CCDC60: variants seen among roughly 807,000 people sequenced by gnomAD.
CCDC60 encodes the protein coiled-coil domain-containing protein 60.
Under a neutral mutation model 63.5 loss-of-function variants are expected in CCDC60, and 54 were observed. That is an observed-to-expected ratio of 0.85 (90% CI 0.68 to 1.07). The LOEUF (loss-of-function observed/expected upper bound fraction) is 1.07, where lower values mean the gene tolerates loss of function less well. Among genes scored for constraint, CCDC60 ranks in the 50% least tolerant of loss-of-function variants. The pLI, the probability that CCDC60 is intolerant of heterozygous loss-of-function variation, is 0.00. For synonymous variants in CCDC60, 206 were observed against 238.8 expected (o/e 0.86, Z 1.27); for missense variants, 651 against 684.3 (o/e 0.95, Z 0.54).
intron 2 of CCDC60, chr12:119,433,372 T>C (rs1372177268): frequency 1.2e-4 from 83 of 701,570 alleles, no homozygotes; most frequent in Non-Finnish European, 3.4e-5. Flanking sequence ...AACGTTCTGC[T>C]CGGACACCCT....
At chr12:119,375,339 C>A (rs923316946) in intron 1 of CCDC60, among the ~76,000 whole-genome samples, 1 of 152,094 alleles carries the variant, frequency 6.6e-6, no homozygotes, top group African/African-American at 2.4e-5. Context: ...GTAAATATTC[C>A]CACTGTGGCC....
intron 2 of CCDC60, among the ~76,000 whole-genome samples, chr12:119,442,116 T>C (rs373001633): frequency 6.6e-6 from 1 of 152,330 alleles, no homozygotes; most frequent in East Asian, 1.9e-4. Flanking sequence ...GCAGCTCAAC[T>C]TGCAACAATT....
chr12:119,443,180 C>G lies in CCDC60; in HGVS notation c.170+14418C>G, dbSNP rs554679710. ...CCTAGGCTCAGCCTTTTCTTTAATA[C>G]CAGCAACTTCATTAATGATTGTTCT... On this transcript the variant is annotated intron_variant, in intron 2 of 13. Coordinates refer to ENST00000327554, the MANE Select transcript of CCDC60 (RefSeq NM_178499.5). 6.2e-4 allele frequency among the ~76,000 whole-genome samples: 94 copies of G among 152,300 alleles called. 3 individuals carry two copies. In the South Asian group the frequency reaches 0.019, roughly 30 times the overall value.
chr12:119,526,578 C>A lies in CCDC60; in HGVS notation c.1230-2037C>A, dbSNP rs146291574. Among the ~76,000 whole-genome samples, 661 of 151,724 alleles carry A rather than the reference C, an allele frequency of 4.4e-3. 6 individuals carry two copies. Among genetic ancestry groups the A allele is most frequent in the African/African-American group, 0.015 (614 of 41,454 alleles). On this transcript the variant is annotated intron_variant, in intron 11 of 13. Coordinates refer to ENST00000327554, the MANE Select transcript of CCDC60 (RefSeq NM_178499.5). ...AAAGAAATTTACAAGAGAAAAACAA[C>A]CCATTGAAAAGTGGGCAAAGGACAT...
intron 3 of CCDC60, among the ~76,000 whole-genome samples, 187 bp downstream of exon 3, chr12:119,472,351 A>G (rs1951080916): frequency 1.3e-5 from 2 of 152,138 alleles, no homozygotes; most frequent in South Asian, 4.1e-4. Flanking sequence ...ATTCGCTGGA[A>G]CATCTTCCAC....
At chr12:119,515,047 G>A (rs1472547971) in intron 7 of CCDC60, among the ~76,000 whole-genome samples, 1 of 152,190 alleles carries the variant, frequency 6.6e-6, no homozygotes, top group Non-Finnish European at 1.5e-5. Flanking sequence ...GCTATGCCCA[G>A]GTGTATAGTA....
intron 12 of CCDC60, among the ~76,000 whole-genome samples, chr12:119,529,962 C>A (rs1038880693): frequency 6.6e-6 from 1 of 152,086 alleles, no homozygotes; most frequent in South Asian, 2.1e-4. Flanking sequence ...ACCACAGCGT[C>A]GTAAGGATGA....
chr12:119,349,155 CT>C (rs1301398648), intron 1 of CCDC60, among the ~76,000 whole-genome samples: 1 of 152,028 alleles, frequency 6.6e-6, no homozygotes, highest in Non-Finnish European at 1.5e-5. Context: ...GTAAACTTGA[CT>C]TTTTACTGGG....
At chr12:119,534,399 C>A (rs1235494763) in intron 13 of CCDC60, among the ~76,000 whole-genome samples, 3 of 152,162 alleles carry the variant, frequency 2.0e-5, no homozygotes, top group Non-Finnish European at 4.4e-5. Flanking sequence ...TAAGTGAATA[C>A]CCTTTATTTC....
intron 1 of CCDC60, among the ~76,000 whole-genome samples, chr12:119,363,829 A>T (rs1001434683): frequency 6.6e-6 from 1 of 152,130 alleles, no homozygotes; most frequent in African/African-American, 2.4e-5. Context: ...CTTTTATTGG[A>T]GACAGAATTG....
chr12:119,359,229 G>A (rs1055602663), intron 1 of CCDC60, among the ~76,000 whole-genome samples: 7 of 151,960 alleles, frequency 4.6e-5, no homozygotes, highest in Admixed American at 3.3e-4. Context: ...AGGTTTATTG[G>A]CCATTTGGAT....
chr12:119,394,688 T>C (rs898189966), intron 1 of CCDC60, among the ~76,000 whole-genome samples: 1 of 152,236 alleles, frequency 6.6e-6, no homozygotes, highest in Non-Finnish European at 1.5e-5. Flanking sequence ...CTTCATGTCC[T>C]TTTTTGTCCT....
chr12:119,386,994 ACTCT>A (rs141844953), intron 1 of CCDC60, among the ~76,000 whole-genome samples: 243 of 75,944 alleles, frequency 3.2e-3, no homozygotes, highest in African/African-American at 0.012. Context: ...TTCCCCCTCA[ACTCT>A]CTCTCTCTCT....
chr12:119,440,029 A>C (rs1950410442), intron 2 of CCDC60, among the ~76,000 whole-genome samples: 1 of 142,748 alleles, frequency 7.0e-6, no homozygotes, highest in Non-Finnish European at 1.5e-5. Flanking sequence ...ACATGGACAC[A>C]GGGAGTGGAA....
chr12:119,347,035 A>G (rs1195397063), intron 1 of CCDC60, among the ~76,000 whole-genome samples: 3 of 151,652 alleles, frequency 2.0e-5, no homozygotes, highest in Admixed American at 2.0e-4. Context: ...ATCTTGGTCA[A>G]GCTGGTCTCA....
chr12:119,430,821 T>C (rs188976258), intron 2 of CCDC60, among the ~76,000 whole-genome samples: 1 of 152,240 alleles, frequency 6.6e-6, no homozygotes, highest in African/African-American at 2.4e-5. Context: ...ATATGTCTGT[T>C]GTTTAAGCTG....
intron 1 of CCDC60, among the ~76,000 whole-genome samples, chr12:119,356,771 C>T (rs1036968950): frequency 6.6e-6 from 1 of 152,214 alleles, no homozygotes; most frequent in African/African-American, 2.4e-5. Context: ...GGCCTTTCAT[C>T]ATTGCAGTAT....
rs1294000553 is a variant in CCDC60, at chr12:119,524,717, TTTTC to T, written c.1229+903_1229+906del. Among the ~76,000 whole-genome samples, 9 of 89,314 alleles carry T rather than the reference TTTTC, an allele frequency of 1.0e-4. No homozygotes were observed. In the East Asian group the frequency reaches 2.1e-3, roughly 20 times the overall value. 58.6% of individuals were successfully genotyped at this position (89,314 alleles called of 152,430 possible). On this transcript the variant is annotated intron_variant, in intron 11 of 13. Coordinates refer to ENST00000327554, the MANE Select transcript of CCDC60 (RefSeq NM_178499.5). ...GGAAACAGCAGTTTCTTTTCTTTTC[TTTTC>T]TTTTTTTTTTTTTTTTTTTGAGACA...
intron 1 of CCDC60, among the ~76,000 whole-genome samples, chr12:119,366,266 T>C (rs1189883203): frequency 2.0e-5 from 3 of 152,220 alleles, no homozygotes; most frequent in African/African-American, 7.2e-5. Flanking sequence ...AGAACACCTG[T>C]GAGAAGTATA....
Sources: gnomAD v4.1 joint callset for allele counts (sites outside exome capture counted in the v4.1 genomes callset) on GRCh38, gnomAD v4.1.1 for gene constraint, MANE v1.5 for transcripts, NCBI Gene and HGNC (gene_info 2026-07-23, HGNC 2026-07-21) for gene names.